The following PSD3 variants were observed in gnomAD, a reference collection of about 807,000 sequenced individuals.
The protein encoded by PSD3 is pleckstrin and Sec7 domain containing 3.
A neutral mutation model predicts 105.5 loss-of-function variants in PSD3; 49 were observed. The observed-to-expected ratio is 0.46, with a 90% CI of 0.37 to 0.59. PSD3 has a LOEUF of 0.59. PSD3 is among the 20% of genes least tolerant of loss of function. The pLI is 0.00. For missense variants in PSD3, 1,561 were observed against 1,263.8 expected, an observed-to-expected ratio of 1.24 and a Z score of -3.57; for synonymous variants, 557 against 457.8, an observed-to-expected ratio of 1.22 and a Z score of -2.77.
intron 11 of PSD3, among the ~76,000 whole-genome samples, chr8:18,622,708 G>C (rs1806201994): frequency 6.6e-6 from 1 of 152,072 alleles, no homozygotes; most frequent in Non-Finnish European, 1.5e-5. Context: ...ACCTCACATA[G>C]TTGCCACTTT....
chr8:18,843,913 CTAT>C (rs776392509), intron 4 of PSD3, among the ~76,000 whole-genome samples: 8 of 121,768 alleles, frequency 6.6e-5, no homozygotes, highest in Non-Finnish European at 1.0e-4. Context: ...ATAAGATAGA[CTAT>C]TTTTTTTTTT....
At chr8:18,900,536 C>T (rs555243954) in intron 2 of PSD3, among the ~76,000 whole-genome samples, 29 of 151,944 alleles carry the variant, frequency 1.9e-4, no homozygotes, top group South Asian at 1.0e-3. Context: ...CTTGGGAGCA[C>T]TTCCAGCATC....
At chr8:18,874,073 A>G (rs1311746874) in intron 2 of PSD3, among the ~76,000 whole-genome samples, 5 of 152,212 alleles carry the variant, frequency 3.3e-5, no homozygotes, top group Admixed American at 3.3e-4. Context: ...TTGTATCATG[A>G]AAACCCTCAT....
chr8:18,899,393 T>C (rs552320982), intron 2 of PSD3, among the ~76,000 whole-genome samples: 142 of 152,330 alleles, frequency 9.3e-4, no homozygotes, highest in African/African-American at 3.3e-3. Flanking sequence ...CAAGAACTTA[T>C]TGTTTCAGAT....
intron 14 of PSD3, 148 bp downstream of exon 14, chr8:18,572,380 A>G (rs1029808799): frequency 3.2e-5 from 30 of 948,256 alleles, no homozygotes; most frequent in Non-Finnish European, 4.3e-5. Flanking sequence ...AGTGTACTGC[A>G]TATCTGCCTC....
intron 2 of PSD3, among the ~76,000 whole-genome samples, chr8:18,920,504 T>C (rs1158867032): frequency 6.6e-6 from 1 of 152,154 alleles, no homozygotes; most frequent in African/African-American, 2.4e-5. Flanking sequence ...ATGTGATACT[T>C]TGAAATAGTA....
intron 12 of PSD3, among the ~76,000 whole-genome samples, chr8:18,576,962 T>TTAA (rs924105372): frequency 2.0e-5 from 3 of 152,044 alleles, no homozygotes; most frequent in Non-Finnish European, 4.4e-5. Flanking sequence ...TTTCTTTGAA[T>TTAA]TAATATTTTG....
intron 11 of PSD3, among the ~76,000 whole-genome samples, chr8:18,622,938 T>C (rs1420353302): frequency 1.3e-5 from 2 of 152,248 alleles, no homozygotes; most frequent in Non-Finnish European, 2.9e-5. Flanking sequence ...AATTAAATCT[T>C]TCACATATCT....
intron 1 of PSD3, chr8:19,001,564 C>G (rs949681245): frequency 2.0e-5 from 3 of 151,972 alleles, no homozygotes; most frequent in African/African-American, 7.2e-5. Flanking sequence ...TCTCGCTGCT[C>G]GGTGCAAAGG....
At chr8:18,904,624 T>C (rs1819722979) in intron 2 of PSD3, among the ~76,000 whole-genome samples, 1 of 152,168 alleles carries the variant, frequency 6.6e-6, no homozygotes, top group Non-Finnish European at 1.5e-5. Context: ...TGGAAGTAAA[T>C]AACAAAACAA....
intron 9 of PSD3, among the ~76,000 whole-genome samples, chr8:18,712,602 C>T (rs566336278): frequency 6.6e-6 from 1 of 152,192 alleles, no homozygotes; most frequent in East Asian, 1.9e-4. Flanking sequence ...CCTGAACAGA[C>T]CAATATTGAG....
intron 1 of PSD3, among the ~76,000 whole-genome samples, chr8:19,032,078 G>C (rs982033765): frequency 2.0e-5 from 3 of 152,004 alleles, no homozygotes; most frequent in African/African-American, 7.3e-5. Context: ...TGGAGCGAGG[G>C]GACCAACACA....
chr8:18,556,575 C>T (rs919754596), intron 14 of PSD3, among the ~76,000 whole-genome samples: 2 of 152,176 alleles, frequency 1.3e-5, no homozygotes, highest in Admixed American at 1.3e-4. Flanking sequence ...TAACTAGGTC[C>T]CTTGTCATAA....
intron 9 of PSD3, among the ~76,000 whole-genome samples, chr8:18,667,442 A>C (rs375735274): frequency 1.3e-5 from 2 of 152,178 alleles, no homozygotes; most frequent in East Asian, 3.9e-4. Context: ...CCAAGCCCTT[A>C]GCTAGACATG....
chr8:18,740,422 G>T (rs1804475955), intron 9 of PSD3, among the ~76,000 whole-genome samples: 1 of 152,116 alleles, frequency 6.6e-6, no homozygotes, highest in African/African-American at 2.4e-5. Flanking sequence ...ACTGTGTTGG[G>T]TTTCATTTGC....
In PSD3 at chr8:18,787,985, T is replaced by G. The variant is rs73595726; in HGVS notation, c.2082+11310A>C. On this transcript the variant is annotated intron_variant, in intron 8 of 15. Transcript: ENST00000327040. ...TAGGCTTTGCAAGTCATATATTCTGTTACAGTTATTCAACACTATAATTGG... is the reference window on the plus strand; with the variant it reads ...TAGGCTTTGCAAGTCATATATTCTGGTACAGTTATTCAACACTATAATTGG... 2.7e-3 allele frequency among the ~76,000 whole-genome samples: 416 copies of G among 152,322 alleles called. 2 individuals carry two copies. Among genetic ancestry groups the G allele is most frequent in the African/African-American group, 9.7e-3 (404 of 41,570 alleles).
At chr8:18,568,591 T>TC (rs1364793308) in intron 14 of PSD3, among the ~76,000 whole-genome samples, 1 of 152,152 alleles carries the variant, frequency 6.6e-6, no homozygotes, top group Non-Finnish European at 1.5e-5. Flanking sequence ...TCAAGGTCTC[T>TC]CAAGCACTTT....
At chr8:18,709,141 C>T (rs556814711) in intron 9 of PSD3, among the ~76,000 whole-genome samples, 1 of 152,098 alleles carries the variant, frequency 6.6e-6, no homozygotes, top group Non-Finnish European at 1.5e-5. Context: ...CACTGTGGCT[C>T]CAATTGGCCG....
At chr8:18,814,076 T>A (rs555686162) in intron 4 of PSD3, among the ~76,000 whole-genome samples, 1 of 152,236 alleles carries the variant, frequency 6.6e-6, no homozygotes, top group Non-Finnish European at 1.5e-5. Flanking sequence ...TTACATAGAA[T>A]ACATTCCCTG....
Sources: allele counts gnomAD v4.1 joint callset (sites outside exome capture counted in the v4.1 genomes callset), GRCh38; gene constraint gnomAD v4.1.1; transcripts MANE v1.5; gene names NCBI Gene and HGNC (gene_info 2026-07-23, HGNC 2026-07-21).